The following PML variants were observed in gnomAD, a reference collection of about 807,000 sequenced individuals.
PML encodes protein PML.
PML carries 28 observed loss-of-function variants against 65.2 expected under a neutral mutation model. The ratio of observed to expected loss-of-function variants is 0.43; its 90% CI spans 0.32 to 0.59. PML has a LOEUF of 0.59. PML is among the 20% of genes least tolerant of loss of function. The pLI, the probability that PML is intolerant of heterozygous loss-of-function variation, is 0.08. For synonymous variants in PML, 500 were observed against 508.8 expected, an observed-to-expected ratio of 0.98 and a Z score of 0.23; for missense variants, 1,021 against 1,203.4, an observed-to-expected ratio of 0.85 and a Z score of 2.24.
In PML at chr15:74,043,281, C is replaced by G. The variant is rs544478159; in HGVS notation, c.1861+142C>G. ...TGCAGCCAGGCTGGGCAGAGCACTCCGGCTCACCTGGGCTCCTGGCGTGTC... is the reference window on the plus strand; with the variant it reads ...TGCAGCCAGGCTGGGCAGAGCACTCGGGCTCACCTGGGCTCCTGGCGTGTC... On this transcript the variant is annotated intron_variant, in intron 8 of 8. Coordinates refer to ENST00000268058, the MANE Select transcript of PML (RefSeq NM_033238.3). This position sits in a 1 kb window ranked among gnomAD's most constrained non-coding sequence, Gnocchi z 4.3. The G allele has an allele frequency of 4.5e-6, 7 of 1,546,366 alleles. No homozygotes were observed. In the Admixed American group the frequency reaches 1.4e-4, roughly 31 times the overall value.
At chr15:74,018,851 G>A (rs906710771) in intron 2 of PML, among the ~76,000 whole-genome samples, 8 of 152,132 alleles carry the variant, frequency 5.3e-5, no homozygotes, top group African/African-American at 1.2e-4. Flanking sequence ...ATGTTATTTC[G>A]CCTTTCTGAA....
Position 74,042,801 on chromosome 15 carries a change from T to A in PML, c.1711-188T>A. 1.0e-6 allele frequency: 1 copy of A among 985,332 alleles called. No homozygotes were observed. Among genetic ancestry groups the A allele is most frequent in the Non-Finnish European group, 1.2e-6 (1 of 829,876 alleles). 61.0% of individuals were successfully genotyped at this position (985,332 alleles called of 1,614,324 possible). ...CTGGTTCATACATGTAACCCTCACA[T>A]GTGACACACCCAGTTCACACCCATT... On this transcript the variant is annotated intron_variant, in intron 7 of 8. Transcript: ENST00000268058. This position sits in a 1 kb window ranked among gnomAD's most constrained non-coding sequence, Gnocchi z 5.3.
chr15:74,034,826 C>T, intron 7 of PML: 1 of 1,437,364 alleles, frequency 7.0e-7, no homozygotes, highest in Non-Finnish European at 9.1e-7. Context: ...CTTCCTTATG[C>T]ATTTTCTGTC....
intron 2 of PML, 152 bp downstream of exon 2, chr15:73,998,628 T>C: frequency 1.5e-6 from 1 of 679,088 alleles, no homozygotes; most frequent in East Asian, 2.7e-5. Flanking sequence ...GTGTCCGTGT[T>C]GATGACCACA....
chr15:74,014,903 G>T (rs985345836), intron 2 of PML, among the ~76,000 whole-genome samples: 1 of 152,216 alleles, frequency 6.6e-6, no homozygotes, highest in Non-Finnish European at 1.5e-5. Context: ...CCCACTGCCT[G>T]TTGAATGAGT....
chr15:74,033,230 G>A lies in PML; in HGVS notation c.1473G>A (p.Met491Ile). ...AGTGCCCCAGGAAGGTCATCAAGAT[G>A]GAGTCTGAGGAGGGGAAGGAGGCAA... is the stretch of plus-strand genomic sequence containing the variant. ...QTQCPRKVIK[M>I]ESEEGKEARL... The change falls in exon 6 of 9, where the codon ATG (methionine) becomes ATA (isoleucine). Residue 491 changes from methionine (M) to isoleucine (I), a missense_variant. Physicochemically the swap from Met to Ile is conservative, Grantham distance 10. Coordinates refer to ENST00000268058, the MANE Select transcript of PML (RefSeq NM_033238.3). 1 of 1,614,202 alleles carries A rather than the reference G, an allele frequency of 6.2e-7. No individual in the cohort carries two copies. The highest frequency in any genetic ancestry group is 8.5e-7 in the Non-Finnish European group (1 of 1,180,040).
chr15:74,043,175 A>G lies in PML; in HGVS notation c.1861+36A>G. 1 of 1,613,950 alleles carries G rather than the reference A, an allele frequency of 6.2e-7. No individual in the cohort carries two copies. The highest frequency in any genetic ancestry group is 8.5e-7 in the Non-Finnish European group (1 of 1,180,004). On this transcript the variant is annotated intron_variant, in intron 8 of 8. Transcript: ENST00000268058. This position sits in a 1 kb window ranked among gnomAD's most constrained non-coding sequence, Gnocchi z 4.3. The stretch of plus-strand genomic sequence containing the variant: ...CTGGGGCTACCCCCACCCCTTTCTA[A>G]TTTAGTCTCTGAGTCCCAAAAAGAA...
intron 4 of PML, 74 bp downstream of exon 4, chr15:74,025,001 C>T (rs2071009323): frequency 1.0e-6 from 1 of 967,094 alleles, no homozygotes; most frequent in Non-Finnish European, 1.7e-6. Flanking sequence ...TCCTGCTGTC[C>T]CTGTGTGTGC....
At position 74,044,334 on chromosome 15, in the gene PML, C is replaced by T; in HGVS notation, c.1975C>T (p.Leu659=). Reference sequence around the variant, plus strand: ...CAAGGCCGTGTCCCTGGAGGTGGGGCTGCAGCACTTCCTCAGCTTTCTGAG... The same window carrying T: ...CAAGGCCGTGTCCCTGGAGGTGGGGTTGCAGCACTTCCTCAGCTTTCTGAG... ...YSKAVSLEVG[L]QHFLSFLSSM... The change falls in exon 9 of 9, where the codon CTG becomes TTG. Residue 659 remains leucine, a synonymous_variant. Coordinates refer to ENST00000268058, the MANE Select transcript of PML (RefSeq NM_033238.3). 2 of 1,614,174 alleles carry T rather than the reference C, an allele frequency of 1.2e-6. No homozygotes were observed. The highest frequency in any genetic ancestry group is 1.7e-5 in the Admixed American group (1 of 60,032).
chr15:74,043,282 G>A lies in PML; in HGVS notation c.1861+143G>A, dbSNP rs901301011. On this transcript the variant is annotated intron_variant, in intron 8 of 8. Coordinates refer to ENST00000268058, the MANE Select transcript of PML (RefSeq NM_033238.3). This position sits in a 1 kb window ranked among gnomAD's most constrained non-coding sequence, Gnocchi z 4.3. ...GCAGCCAGGCTGGGCAGAGCACTCC[G>A]GCTCACCTGGGCTCCTGGCGTGTCA... 16 of 1,531,778 alleles carry A rather than the reference G, an allele frequency of 1.0e-5. No homozygotes were observed. The highest frequency in any genetic ancestry group is 2.0e-4 in the Middle Eastern group (1 of 4,894). The allele number at this position is 1,531,778 out of a possible 1,614,324, so 94.9% of individuals were successfully genotyped here.
chr15:74,028,969 A>G (rs1272603703), intron 4 of PML, among the ~76,000 whole-genome samples: 1 of 152,252 alleles, frequency 6.6e-6, no homozygotes, highest in African/African-American at 2.4e-5. Context: ...ACGGGTGTAC[A>G]GATATCTCCT....
chr15:74,033,932 G>A (rs2071430973), intron 6 of PML: 1 of 361,620 alleles, frequency 2.8e-6, no homozygotes, highest in African/African-American at 2.0e-5. Flanking sequence ...TCAACCCAGA[G>A]GAATCTGGAA....
In PML at chr15:74,044,339, G is replaced by C; in HGVS notation, c.1980G>C (p.Gln660His). 1 of 1,614,204 alleles carries C rather than the reference G, an allele frequency of 6.2e-7. No individual in the cohort carries two copies. Among genetic ancestry groups the C allele is most frequent in the Non-Finnish European group, 8.5e-7 (1 of 1,180,034 alleles). Residue 660 changes from glutamine to histidine, a missense_variant, in exon 9 of 9, where the codon CAG becomes CAC. Physicochemically the swap from Gln to His is conservative, Grantham distance 24. Transcript: ENST00000268058. ...CCGTGTCCCTGGAGGTGGGGCTGCAGCACTTCCTCAGCTTTCTGAGCTCCA... is the reference window on the plus strand; with the variant it reads ...CCGTGTCCCTGGAGGTGGGGCTGCACCACTTCCTCAGCTTTCTGAGCTCCA... ...SKAVSLEVGL[Q>H]HFLSFLSSMR...
Position 73,998,215 on chromosome 15 carries a change from G to A in PML, c.341G>A (p.Arg114Gln), listed in dbSNP as rs1475848935. The change falls in exon 2 of 9, where the codon CGG becomes CAG. Residue 114 changes from arginine (R) to glutamine (Q), a missense_variant. Arg to Gln is a conservative substitution (Grantham distance 43). Coordinates refer to ENST00000268058, the MANE Select transcript of PML (RefSeq NM_033238.3). ...AACGTCTTTTTCGAGAGTCTGCAGC[G>A]GCGCCTGTCGGTGTACCGGCAGATT... ...LDNVFFESLQ[R>Q]RLSVYRQIVD... 3 of 1,614,212 alleles carry A rather than the reference G, an allele frequency of 1.9e-6. No homozygotes were observed. Among genetic ancestry groups the A allele is most frequent in the Non-Finnish European group, 2.5e-6 (3 of 1,180,028 alleles).
chr15:74,018,988 G>A (rs2070718264), intron 2 of PML, among the ~76,000 whole-genome samples: 1 of 152,176 alleles, frequency 6.6e-6, no homozygotes, highest in East Asian at 1.9e-4. Context: ...GAAGGTAAAG[G>A]AACCGCTTGG....
intron 4 of PML, chr15:74,028,137 T>C (rs1052242): frequency 0.55 from 83,753 of 152,098 alleles, 23,302 homozygotes; most frequent in East Asian, 0.63. Context: ...TCCTCTGTTT[T>C]TCATAGGCTT....
At chr15:74,018,165 C>CA (rs556872104) in intron 2 of PML, among the ~76,000 whole-genome samples, 16 of 150,242 alleles carry the variant, frequency 1.1e-4, no homozygotes, top group South Asian at 2.1e-4. Flanking sequence ...ACTAAAAATA[C>CA]AAAAAAAATT....
chr15:73,997,420 T>G (rs2069560335), intron 1 of PML, among the ~76,000 whole-genome samples: 1 of 152,248 alleles, frequency 6.6e-6, no homozygotes, highest in Non-Finnish European at 1.5e-5. Flanking sequence ...GTATCAGAAT[T>G]TCATTTCTTT....
Position 74,047,712 on chromosome 15 carries a change from A to T in PML, c.*2704A>T. ...AACCAATGAGAAAATGTGTGTGAAG[A>T]TAGCTTTTTGGTATATTTTAAAAGT... On this transcript the variant is annotated 3_prime_UTR_variant, in exon 9 of 9. Transcript: ENST00000268058. The T allele has an allele frequency of 5.1e-6, 1 of 195,336 alleles. No homozygotes were observed. Among genetic ancestry groups the T allele is most frequent in the Non-Finnish European group, 1.1e-5 (1 of 94,010 alleles). 12.1% of individuals were successfully genotyped at this position (195,336 alleles called of 1,614,324 possible).
Sources: gnomAD v4.1 joint callset for allele counts (sites outside exome capture counted in the v4.1 genomes callset) on GRCh38, gnomAD v4.1.1 for gene constraint, Gnocchi (gnomAD v3.1) non-coding constraint, MANE v1.5 for transcripts, NCBI Gene and HGNC (gene_info 2026-07-23, HGNC 2026-07-21) for gene names.